NRG4: variants seen among roughly 807,000 people sequenced by gnomAD.
NRG4 encodes the protein neuregulin 4, also known as pro-neuregulin-4, membrane-bound isoform.
In NRG4, 10 loss-of-function variants were observed where a neutral mutation model predicts 15.0. The ratio of observed to expected loss-of-function variants is 0.67; its 90% CI spans 0.41 to 1.13. The LOEUF (loss-of-function observed/expected upper bound fraction) is 1.13, where lower values mean the gene tolerates loss of function less well. Among genes scored for constraint, NRG4 ranks in the 50% most tolerant of loss-of-function variants. The pLI, the probability that NRG4 is intolerant of heterozygous loss-of-function variation, is 0.00. For missense variants in NRG4, 139 were observed against 140.2 expected, an observed-to-expected ratio of 0.99 and a Z score of 0.04; for synonymous variants, 41 against 50.1, an observed-to-expected ratio of 0.82 and a Z score of 0.77.
intron 2 of NRG4, among the ~76,000 whole-genome samples, chr15:76,056,652 AAG>A (rs1172253783): frequency 2.0e-5 from 3 of 152,218 alleles, no homozygotes; most frequent in African/African-American, 7.2e-5. Context: ...TAACATTTAG[AAG>A]AGCTTTCAAA....
Position 75,997,127 on chromosome 15 carries a change from C to T in NRG4, c.104+12073G>A, listed in dbSNP as rs550101802. Among the ~76,000 whole-genome samples, 227 of 151,880 alleles carry T rather than the reference C, an allele frequency of 1.5e-3. 3 individuals are homozygous for T. The South Asian group carries it at 0.028, about 19-fold the overall frequency. On this transcript the variant is annotated intron_variant, in intron 3 of 5. Coordinates refer to ENST00000394907, the MANE Select transcript of NRG4 (RefSeq NM_138573.4). ...TTAATGAGAGAAAAAAATATGTAAA[C>T]TAAATAAGGGCAAAAATCATTTCAG...
rs753704721 is a variant in NRG4 at position 75,943,641 on chromosome 15, GTGT to G, written c.342_344del (p.Gln114del). 2.5e-6 allele frequency: 4 copies of G among 1,577,326 alleles called. No individual in the cohort carries two copies. Among genetic ancestry groups the G allele is most frequent in the South Asian group, 2.2e-5 (2 of 89,422 alleles). Reference sequence around the variant, plus strand: ...TTTGGTTCACTTTGACGTTTCTTCAGTGTTGTTCATGACCTGTGAAAAATAAGT... The same window carrying G: ...TTTGGTTCACTTTGACGTTTCTTCAGTGTTCATGACCTGTGAAAAATAAGT... On this transcript the variant is annotated inframe_deletion, in exon 6 of 6. Transcript: ENST00000394907.
intron 1 of NRG4, among the ~76,000 whole-genome samples, chr15:76,058,418 A>T (rs1412139414): frequency 6.6e-6 from 1 of 151,990 alleles, no homozygotes; most frequent in African/African-American, 2.4e-5. Context: ...GAAATTTTAC[A>T]TTTTTTTCTC....
At chr15:75,957,426 C>G (rs2032293018) in intron 4 of NRG4, among the ~76,000 whole-genome samples, 1 of 152,194 alleles carries the variant, frequency 6.6e-6, no homozygotes, top group Non-Finnish European at 1.5e-5. Context: ...GAAAATATCA[C>G]TGCTCTGTCT....
In NRG4 at chr15:75,961,940, C is replaced by T; in HGVS notation, c.139G>A (p.Glu47Lys). 6.2e-7 allele frequency: 1 copy of T among 1,613,600 alleles called. No individual in the cohort carries two copies. Among genetic ancestry groups the T allele is most frequent in the Non-Finnish European group, 8.5e-7 (1 of 1,179,570 alleles). ...ATGCTGGAGCCTGGGAGAAAAACCT[C>T]TTCACAACGAGCTCCTGTATAGTTT... ...VENYTGARCE[E>K]VFLPGSSIQT... Residue 47 changes from glutamate (E) to lysine (K), a missense_variant, in exon 4 of 6, where the codon GAG (glutamate) becomes AAG (lysine). Glu to Lys is a moderately conservative substitution (Grantham distance 56). Coordinates refer to ENST00000394907, the MANE Select transcript of NRG4 (RefSeq NM_138573.4).
rs35228253 is a variant in NRG4 at position 76,050,597 on chromosome 15, ATTT to A, written c.-105+1467_-105+1469del. On this transcript the variant is annotated intron_variant, in intron 4 of 8. Transcript: ENST00000563910. ...AGGCACTCACCACCACGCTCGGCTA[ATTT>A]TTTTTTTTTTTTTTTTTTGTATTTT... Among the ~76,000 whole-genome samples, 57 of 108,936 alleles carry A rather than the reference ATTT, an allele frequency of 5.2e-4. 2 individuals carry two copies. The highest frequency in any genetic ancestry group is 1.5e-3 in the African/African-American group (39 of 26,366). The allele number at this position is 108,936 out of a possible 152,430, so 71.5% of individuals were successfully genotyped here. A position where few individuals can be genotyped will look rare whatever the true frequency, so the allele number is the denominator to read the frequency against.
chr15:75,996,211 A>C (rs1421277081), intron 3 of NRG4, among the ~76,000 whole-genome samples: 5 of 152,174 alleles, frequency 3.3e-5, no homozygotes, highest in Admixed American at 3.3e-4. Flanking sequence ...TACTTTAGAC[A>C]CTAGCTCTGT....
intron 3 of NRG4, among the ~76,000 whole-genome samples, chr15:75,986,413 A>C (rs772977715): frequency 2.0e-5 from 3 of 152,204 alleles, no homozygotes; most frequent in Non-Finnish European, 4.4e-5. Flanking sequence ...TAACAACCCA[A>C]ATGTCTATCA....
intron 3 of NRG4, among the ~76,000 whole-genome samples, chr15:75,985,927 G>A (rs1255297409): frequency 6.6e-6 from 1 of 152,130 alleles, no homozygotes; most frequent in Non-Finnish European, 1.5e-5. Flanking sequence ...GCTTTTAATA[G>A]TATCTTTATT....
chr15:76,001,568 T>A (rs975384787), intron 3 of NRG4, among the ~76,000 whole-genome samples: 1 of 152,190 alleles, frequency 6.6e-6, no homozygotes, highest in African/African-American at 2.4e-5. Context: ...CACACAAGTA[T>A]ACAATGTTTG....
At chr15:76,013,787 G>A (rs1200911304), upstream of NRG4, among the ~76,000 whole-genome samples, 1 of 152,138 alleles carries the variant, frequency 6.6e-6, no homozygotes, top group Non-Finnish European at 1.5e-5. Context: ...ATTGTGAACA[G>A]TGCCGCAATA....
chr15:75,987,871 A>G (rs2033855723), intron 3 of NRG4, among the ~76,000 whole-genome samples: 1 of 152,170 alleles, frequency 6.6e-6, no homozygotes, highest in East Asian at 1.9e-4. Flanking sequence ...TTCAAACACT[A>G]TCTAGATGCT....
At chr15:75,956,315 C>T (rs536800777) in intron 4 of NRG4, among the ~76,000 whole-genome samples, 21 of 152,228 alleles carry the variant, frequency 1.4e-4, no homozygotes, top group Admixed American at 1.1e-3. Flanking sequence ...AACAGCAAAC[C>T]TGTTGTATCT....
chr15:75,998,546 T>G (rs909138471), intron 3 of NRG4, among the ~76,000 whole-genome samples: 1 of 152,122 alleles, frequency 6.6e-6, no homozygotes, highest in Non-Finnish European at 1.5e-5. Flanking sequence ...ATTGAGCAAT[T>G]AGATAGTTGC....
chr15:76,004,334 C>T (rs903860683), intron 3 of NRG4, among the ~76,000 whole-genome samples: 6 of 152,128 alleles, frequency 3.9e-5, no homozygotes, highest in Admixed American at 3.9e-4. Context: ...GGTGCAGTGA[C>T]TCACACCTGT....
At chr15:75,989,093 A>G (rs1027992413) in intron 3 of NRG4, among the ~76,000 whole-genome samples, 3 of 152,054 alleles carry the variant, frequency 2.0e-5, no homozygotes, top group African/African-American at 7.2e-5. Context: ...CCTGAGCTCA[A>G]GCAATCCTCT....
intron 4 of NRG4, among the ~76,000 whole-genome samples, chr15:76,040,778 A>C (rs959130778): frequency 6.6e-6 from 1 of 152,128 alleles, no homozygotes; most frequent in Non-Finnish European, 1.5e-5. Flanking sequence ...TATAAAAATC[A>C]GCCAGCTGTG....
Position 75,955,945 on chromosome 15 carries a change from G to A in NRG4, c.318C>T (p.Thr106=). The part of the protein sequence containing the change: ...YDINLVETSS[T]SAHHSHEQH Reference sequence around the variant, plus strand: ...GAGTTTACTCACTGTGGTGGGCACTGGTACTGCTCGTCTCTACCAGGTTGA... The same window carrying A: ...GAGTTTACTCACTGTGGTGGGCACTAGTACTGCTCGTCTCTACCAGGTTGA... Residue 106 remains threonine (T), a synonymous_variant, in exon 5 of 6, where the codon ACC becomes ACT. Coordinates refer to ENST00000394907, the MANE Select transcript of NRG4 (RefSeq NM_138573.4). The A allele has an allele frequency of 6.2e-7, 1 of 1,602,036 alleles. No homozygotes were observed. Among genetic ancestry groups the A allele is most frequent in the East Asian group, 2.2e-5 (1 of 44,816 alleles).
At chr15:76,001,861 CA>C (rs775785579) in intron 3 of NRG4, among the ~76,000 whole-genome samples, 7 of 152,132 alleles carry the variant, frequency 4.6e-5, no homozygotes, top group African/African-American at 7.2e-5. Flanking sequence ...GAGCCTACAA[CA>C]AACACATAAC....
Sources: allele counts gnomAD v4.1 joint callset (sites outside exome capture counted in the v4.1 genomes callset), GRCh38; gene constraint gnomAD v4.1.1; transcripts MANE v1.5; gene names NCBI Gene and HGNC (gene_info 2026-07-23, HGNC 2026-07-21).